The following TOX variants were observed in gnomAD, a reference collection of about 807,000 sequenced individuals.
The protein encoded by TOX is thymocyte selection associated high mobility group box.
In TOX, 11 loss-of-function variants were observed where a neutral mutation model predicts 53.7. The observed-to-expected ratio is 0.20, with a 90% confidence interval of 0.13 to 0.34. TOX has a LOEUF of 0.34. TOX is among the 10% of genes least tolerant of loss of function. TOX has a pLI of 1.00. For missense variants in TOX, 570 were observed against 664.6 expected, an observed-to-expected ratio of 0.86 and a Z score of 1.56; for synonymous variants, 225 against 245.3, an observed-to-expected ratio of 0.92 and a Z score of 0.77.
At chr8:58,976,572 G>T (rs1252670920) in intron 1 of TOX, among the ~76,000 whole-genome samples, 1 of 152,114 alleles carries the variant, frequency 6.6e-6, no homozygotes, top group East Asian at 1.9e-4. Context: ...GTTCTTAATG[G>T]CAACTAGAAT....
intron 3 of TOX, among the ~76,000 whole-genome samples, chr8:58,935,996 C>T (rs1253945583): frequency 6.6e-6 from 1 of 152,308 alleles, no homozygotes; most frequent in East Asian, 1.9e-4. Context: ...ATTGGGATAA[C>T]GGGCGCCAGC....
In TOX at chr8:59,117,005, T is replaced by C. The variant is rs1421422655; in HGVS notation, c.102+1881A>G. The stretch of plus-strand genomic sequence containing the variant: ...CAAAGCATTTAACTTTTAAATTAAA[T>C]CTGACCCTACTTATCACAAGAACGA... On this transcript the variant is annotated intron_variant, in intron 1 of 8. Coordinates refer to ENST00000361421, the MANE Select transcript of TOX (RefSeq NM_014729.3). The surrounding 1 kb of genome is among the most constrained non-coding windows in gnomAD (Gnocchi z 4.6). 1.3e-5 allele frequency among the ~76,000 whole-genome samples: 2 copies of C among 152,232 alleles called. No homozygotes were observed. The highest frequency in any genetic ancestry group is 2.9e-5 in the Non-Finnish European group (2 of 68,030).
At chr8:59,060,089 C>T (rs1342294887) in intron 1 of TOX, among the ~76,000 whole-genome samples, 2 of 151,878 alleles carry the variant, frequency 1.3e-5, no homozygotes, top group East Asian at 3.9e-4. Context: ...AATTGTGTAA[C>T]GATTTCCCGT....
At chr8:58,983,000 A>G (rs1260932090) in intron 1 of TOX, among the ~76,000 whole-genome samples, 1 of 152,050 alleles carries the variant, frequency 6.6e-6, no homozygotes, top group Non-Finnish European at 1.5e-5. Flanking sequence ...TTTATCTCCA[A>G]ATATCCAAAT....
At chr8:59,078,450 G>T (rs1804333142) in intron 1 of TOX, among the ~76,000 whole-genome samples, 1 of 152,134 alleles carries the variant, frequency 6.6e-6, no homozygotes, top group South Asian at 2.1e-4. Context: ...AAAGGGCGTG[G>T]CACTTGCCCC....
chr8:58,903,065 G>T (rs79520409), intron 3 of TOX, among the ~76,000 whole-genome samples: 3 of 152,104 alleles, frequency 2.0e-5, no homozygotes, highest in African/African-American at 7.2e-5. Context: ...AAAAGTCTTC[G>T]AATGGAGCAT....
intron 3 of TOX, among the ~76,000 whole-genome samples, chr8:58,895,493 A>G (rs1811629416): frequency 6.6e-6 from 1 of 152,228 alleles, no homozygotes; most frequent in South Asian, 2.1e-4. Flanking sequence ...GAAGAAGAGG[A>G]AAAACTTTGG....
intron 6 of TOX, among the ~76,000 whole-genome samples, chr8:58,816,295 T>C (rs1810176947): frequency 6.6e-6 from 1 of 152,250 alleles, no homozygotes; most frequent in African/African-American, 2.4e-5. Flanking sequence ...TCAAAGTAAC[T>C]GCAGAACTTA....
At chr8:59,002,495 G>A (rs1813710340) in intron 1 of TOX, among the ~76,000 whole-genome samples, 1 of 151,224 alleles carries the variant, frequency 6.6e-6, no homozygotes, top group South Asian at 2.1e-4. Flanking sequence ...GGGAGGCTGA[G>A]GCAGGAGAAT....
At chr8:59,078,506 G>C (rs1292481703) in intron 1 of TOX, among the ~76,000 whole-genome samples, 1 of 152,190 alleles carries the variant, frequency 6.6e-6, no homozygotes, top group African/African-American at 2.4e-5. Context: ...TGAGGTGCCT[G>C]CTCCCTCTTT....
intron 1 of TOX, among the ~76,000 whole-genome samples, chr8:59,027,318 C>T (rs1054887054): frequency 6.6e-5 from 10 of 152,048 alleles, no homozygotes; most frequent in South Asian, 4.1e-4. Flanking sequence ...TTACAGACCA[C>T]GAAAGTATCC....
At chr8:59,032,391 C>A (rs1291249514) in intron 1 of TOX, among the ~76,000 whole-genome samples, 1 of 152,094 alleles carries the variant, frequency 6.6e-6, no homozygotes, top group Non-Finnish European at 1.5e-5. Context: ...TGAATAATTT[C>A]TTTCATATTC....
chr8:58,819,886 T>C (rs908494937), intron 6 of TOX, among the ~76,000 whole-genome samples: 1 of 152,238 alleles, frequency 6.6e-6, no homozygotes, highest in African/African-American at 2.4e-5. Context: ...CGATACTTAA[T>C]GCATTGAAAA....
intron 1 of TOX, among the ~76,000 whole-genome samples, chr8:59,095,451 G>A (rs941291036): frequency 5.9e-5 from 9 of 152,192 alleles, no homozygotes; most frequent in African/African-American, 2.2e-4. Context: ...CTGTCGCCCA[G>A]GCTGGAGTGC....
intron 1 of TOX, among the ~76,000 whole-genome samples, chr8:59,097,413 G>A (rs1804731260): frequency 6.6e-6 from 1 of 152,198 alleles, no homozygotes; most frequent in South Asian, 2.1e-4. Flanking sequence ...CATCCAGGAA[G>A]TCTAGGTGGT....
At chr8:59,068,991 A>T (rs367613087) in intron 1 of TOX, among the ~76,000 whole-genome samples, 22 of 152,312 alleles carry the variant, frequency 1.4e-4, no homozygotes, top group African/African-American at 5.3e-4. Context: ...GGCTGTGTGA[A>T]TTCACGATGG....
At chr8:58,941,458 G>A (rs1257963841) in intron 2 of TOX, among the ~76,000 whole-genome samples, 1 of 151,922 alleles carries the variant, frequency 6.6e-6, no homozygotes, top group African/African-American at 2.4e-5. Flanking sequence ...TACACATGAG[G>A]GATAAATATA....
intron 1 of TOX, among the ~76,000 whole-genome samples, chr8:59,083,061 C>G (rs1394853831): frequency 2.0e-5 from 3 of 152,108 alleles, no homozygotes; most frequent in Non-Finnish European, 4.4e-5. Context: ...AACACAACTC[C>G]AAATACAGGC....
intron 1 of TOX, among the ~76,000 whole-genome samples, chr8:58,962,178 G>A (rs781651677): frequency 2.0e-5 from 3 of 152,182 alleles, no homozygotes; most frequent in African/African-American, 4.8e-5. Flanking sequence ...TATCCAACAT[G>A]TACGCTAATT....
Sources: allele counts gnomAD v4.1 joint callset (sites outside exome capture counted in the v4.1 genomes callset), GRCh38; gene constraint gnomAD v4.1.1; non-coding constraint Gnocchi (gnomAD v3.1); transcripts MANE v1.5; gene names NCBI Gene and HGNC (gene_info 2026-07-23, HGNC 2026-07-21).